The following SPRY3 variants were observed in gnomAD, a reference collection of about 807,000 sequenced individuals.
SPRY3 encodes protein sprouty homolog 3.
Under a neutral mutation model 20.2 loss-of-function variants are expected in SPRY3, and 15 were observed. The ratio of observed to expected loss-of-function variants is 0.74; its 90% CI spans 0.50 to 1.14. SPRY3 has a LOEUF of 1.14. Ranked by LOEUF, SPRY3 falls within the 50% of genes most tolerant of loss-of-function variation. The probability of loss-of-function intolerance (pLI) is 0.00; values close to 1 mark genes in which losing one functional copy is unlikely to be tolerated. For synonymous variants in SPRY3, 143 were observed against 136.5 expected, an observed-to-expected ratio of 1.05 and a Z score of -0.33; for missense variants, 364 against 363.9, an observed-to-expected ratio of 1.00 and a Z score of 0.00.
intron 2 of SPRY3, among the ~76,000 whole-genome samples, chrX:155,737,948 T>C (rs997819644): frequency 4.6e-5 from 7 of 152,188 alleles, no homozygotes; most frequent in Admixed American, 3.9e-4. Flanking sequence ...CTGATTTCTA[T>C]TTTTAATTAA....
exon 4 of SPRY3, chrX:155,774,550 C>G (rs368030355): frequency 6.2e-7 from 1 of 1,614,008 alleles, no homozygotes; most frequent in Middle Eastern, 1.7e-4. Context: ...AGCCATGAGC[C>G]TCATCTCCCT....
chrX:155,705,245 A>G (rs1230842570), intron 2 of SPRY3, among the ~76,000 whole-genome samples: 1 of 151,538 alleles, frequency 6.6e-6, no homozygotes, highest in African/African-American at 2.4e-5. Flanking sequence ...GGAGGGAGCA[A>G]TTGGGAATGT....
chrX:155,768,597 G>A (rs1251868891), intron 3 of SPRY3, among the ~76,000 whole-genome samples: 2 of 152,172 alleles, frequency 1.3e-5, no homozygotes, highest in Admixed American at 6.5e-5. Flanking sequence ...GCATCGTTCA[G>A]ATTTCATCAC....
chrX:155,749,072 A>T (rs1008271251), intron 2 of SPRY3, among the ~76,000 whole-genome samples: 1 of 151,952 alleles, frequency 6.6e-6, no homozygotes, highest in East Asian at 1.9e-4. Context: ...ACACTCAATC[A>T]CACAATGCCC....
At chrX:155,760,578 C>T (rs1372008632) in intron 2 of SPRY3, among the ~76,000 whole-genome samples, 2 of 151,990 alleles carry the variant, frequency 1.3e-5, no homozygotes, top group Non-Finnish European at 2.9e-5. Flanking sequence ...CTTTTTGGCA[C>T]CAGGGACCGG....
chrX:155,725,190 G>A (rs2091088923), intron 2 of SPRY3, among the ~76,000 whole-genome samples: 1 of 152,162 alleles, frequency 6.6e-6, no homozygotes, highest in African/African-American at 2.4e-5. Context: ...TGGTGGATAA[G>A]CTTTTTGATG....
chrX:155,651,841 T>C (rs1256563712), intron 1 of SPRY3, among the ~76,000 whole-genome samples: 1 of 111,977 alleles, frequency 8.9e-6, no homozygotes, highest in Admixed American at 9.5e-5. Context: ...ATCCTTTGTG[T>C]TCATATTAGT....
At chrX:155,725,734 G>C (rs915316901) in intron 2 of SPRY3, among the ~76,000 whole-genome samples, 1 of 151,828 alleles carries the variant, frequency 6.6e-6, no homozygotes, top group African/African-American at 2.4e-5. Flanking sequence ...TCTTGCTAGC[G>C]GTCTGTTGAT....
chrX:155,640,998 T>A (rs1175491680), intron 1 of SPRY3, among the ~76,000 whole-genome samples: 1 of 111,872 alleles, frequency 8.9e-6, no homozygotes, highest in Admixed American at 9.5e-5. Flanking sequence ...CATGCTTGTG[T>A]TCCTGATTTT....
intron 2 of SPRY3, among the ~76,000 whole-genome samples, chrX:155,716,248 G>A (rs1383379402): frequency 6.6e-6 from 1 of 152,106 alleles, no homozygotes; most frequent in East Asian, 1.9e-4. Context: ...CCATCCCAAA[G>A]ATGTTGTGGA....
At chrX:155,681,022 C>T (rs917449215) in intron 2 of SPRY3, among the ~76,000 whole-genome samples, 1 of 111,235 alleles carries the variant, frequency 9.0e-6, no homozygotes, top group Non-Finnish European at 1.9e-5. Flanking sequence ...TGTCCTTGGG[C>T]CTCTCTATTC....
chrX:155,709,920 C>T (rs1178303317), intron 2 of SPRY3, among the ~76,000 whole-genome samples: 2 of 151,682 alleles, frequency 1.3e-5, no homozygotes, highest in Non-Finnish European at 3.0e-5. Context: ...AAGAGACTTC[C>T]TTTTCCCCAA....
chrX:155,673,568 G>A (rs2068050385), intron 2 of SPRY3, among the ~76,000 whole-genome samples: 1 of 111,708 alleles, frequency 9.0e-6, no homozygotes, highest in South Asian at 3.7e-4. Flanking sequence ...CAGCCACCCT[G>A]ACTACTGGTT....
At chrX:155,663,676 C>T (rs1474525218) in intron 2 of SPRY3, among the ~76,000 whole-genome samples, 2 of 111,409 alleles carry the variant, frequency 1.8e-5, no homozygotes, top group African/African-American at 6.5e-5. Flanking sequence ...GTTAGAAATA[C>T]AAATTCTCAT....
intron 1 of SPRY3, among the ~76,000 whole-genome samples, chrX:155,627,251 C>T (rs2067891226): frequency 9.0e-6 from 1 of 111,626 alleles, no homozygotes; most frequent in Non-Finnish European, 1.9e-5. Context: ...AACCACCCTG[C>T]CCTCTAGGTA....
At chrX:155,739,686 G>T (rs2091192949) in intron 2 of SPRY3, among the ~76,000 whole-genome samples, 2 of 152,110 alleles carry the variant, frequency 1.3e-5, no homozygotes, top group African/African-American at 4.8e-5. Context: ...GGTGACTAGG[G>T]TCTGGAGTGG....
chrX:155,704,634 T>TA (rs2090936582), intron 2 of SPRY3, among the ~76,000 whole-genome samples: 1 of 151,394 alleles, frequency 6.6e-6, no homozygotes, highest in African/African-American at 2.4e-5. Flanking sequence ...GAATTTTTTT[T>TA]AAATTAATGA....
At chrX:155,714,655 C>T (rs1490780929) in intron 2 of SPRY3, among the ~76,000 whole-genome samples, 1 of 150,792 alleles carries the variant, frequency 6.6e-6, no homozygotes, top group Admixed American at 6.6e-5. Flanking sequence ...AAGGCCCTTC[C>T]CTTCAGTGTG....
At chrX:155,655,774 T>G (rs1403543752) in intron 1 of SPRY3, among the ~76,000 whole-genome samples, 1 of 112,077 alleles carries the variant, frequency 8.9e-6, no homozygotes, top group Non-Finnish European at 1.9e-5. Flanking sequence ...AGTGCTTCCT[T>G]CCAGAGCTCT....
Sources: gnomAD v4.1 joint callset for allele counts (sites outside exome capture counted in the v4.1 genomes callset) on GRCh38, gnomAD v4.1.1 for gene constraint, MANE v1.5 for transcripts, NCBI Gene and HGNC (gene_info 2026-07-23, HGNC 2026-07-21) for gene names.